The following ANKRD12 variants were observed in gnomAD, a reference collection of about 807,000 sequenced individuals.
ANKRD12 encodes the protein ankyrin repeat domain-containing protein 12.
In ANKRD12, 85 loss-of-function variants were observed where a neutral mutation model predicts 183.4. The observed-to-expected ratio is 0.46, with a 90% CI of 0.39 to 0.56. ANKRD12 has a LOEUF of 0.56. Ranked by LOEUF, ANKRD12 falls within the 20% of genes least tolerant of loss-of-function variation. The probability of loss-of-function intolerance (pLI) is 0.00; values close to 1 mark genes in which losing one functional copy is unlikely to be tolerated. For synonymous variants in ANKRD12, 914 were observed against 800.2 expected (o/e 1.14, Z -2.40); for missense variants, 2,405 against 2,357.1 (o/e 1.02, Z -0.42).
chr18:9,157,809 G>A (rs1191891325), intron 1 of ANKRD12, among the ~76,000 whole-genome samples: 1 of 151,878 alleles, frequency 6.6e-6, no homozygotes, highest in African/African-American at 2.4e-5. Flanking sequence ...ATAGGAAAAT[G>A]ATTGCCACAG....
intron 3 of ANKRD12, among the ~76,000 whole-genome samples, chr18:9,199,256 G>A (rs1314317899): frequency 1.3e-5 from 2 of 152,138 alleles, no homozygotes; most frequent in African/African-American, 4.8e-5. Context: ...TCATGCCACT[G>A]TACTCCAGCT....
At chr18:9,217,672 C>A (rs890665411) in intron 7 of ANKRD12, among the ~76,000 whole-genome samples, 1 of 152,166 alleles carries the variant, frequency 6.6e-6, no homozygotes, top group Admixed American at 6.5e-5. Flanking sequence ...TACCAGTGGT[C>A]TACTCTTTTC....
At chr18:9,248,296 A>G (rs1321906628) in intron 8 of ANKRD12, among the ~76,000 whole-genome samples, 1 of 152,194 alleles carries the variant, frequency 6.6e-6, no homozygotes, top group Non-Finnish European at 1.5e-5. Context: ...TTCTTTTGAA[A>G]CATTTGTGGC....
At chr18:9,192,562 C>A (rs1233347633) in intron 2 of ANKRD12, among the ~76,000 whole-genome samples, 3 of 152,104 alleles carry the variant, frequency 2.0e-5, no homozygotes, top group African/African-American at 7.2e-5. Flanking sequence ...AACTTCTAAT[C>A]TTTCTGTGCT....
In ANKRD12 at chr18:9,168,462, C is replaced by T. The variant is rs899241326; in HGVS notation, c.-51-13920C>T. Among the ~76,000 whole-genome samples, 5 of 152,210 alleles carry T rather than the reference C, an allele frequency of 3.3e-5. No individual in the cohort carries two copies. In the East Asian group the frequency reaches 7.7e-4, roughly 23 times the overall value. ...TTTAGTCTTGGGAGGATGTATGTGT[C>T]GAGGAATTCATCCATTTCTTCTTGA... On this transcript the variant is annotated intron_variant, in intron 1 of 12. Transcript: ENST00000262126.
At chr18:9,173,622 G>T (rs77869456) in intron 1 of ANKRD12, among the ~76,000 whole-genome samples, 8 of 129,218 alleles carry the variant, frequency 6.2e-5, no homozygotes, top group Admixed American at 2.4e-4. Flanking sequence ...GTGGTGGGGG[G>T]GGGGTAGGGG....
At chr18:9,213,943 T>C (rs958739186) in intron 6 of ANKRD12, among the ~76,000 whole-genome samples, 15 of 152,148 alleles carry the variant, frequency 9.9e-5, no homozygotes, top group African/African-American at 3.1e-4. Flanking sequence ...TAAATGATTA[T>C]TAAAAATTAT....
intron 2 of ANKRD12, among the ~76,000 whole-genome samples, chr18:9,186,944 G>A (rs1210334650): frequency 6.6e-6 from 1 of 151,740 alleles, no homozygotes; most frequent in Non-Finnish European, 1.5e-5. Context: ...GTAGAGACGG[G>A]GTTTCACCGT....
At chr18:9,234,215 T>G (rs769408372) in intron 8 of ANKRD12, among the ~76,000 whole-genome samples, 2 of 152,296 alleles carry the variant, frequency 1.3e-5, no homozygotes, top group Non-Finnish European at 2.9e-5. Context: ...GGCAGCTCTC[T>G]GTTTCGCTCA....
rs1279481112 is a variant in ANKRD12, at chr18:9,285,510, A to T, written c.*4384A>T. On this transcript the variant is annotated 3_prime_UTR_variant, in exon 13 of 13. Transcript: ENST00000262126. ...AAAAGGCACCACCTATGCACTCATC[A>T]CTCAAGAGAATATCAATAACTTTCT... 6.6e-6 allele frequency: 1 copy of T among 151,772 alleles called. No homozygotes were observed. Among genetic ancestry groups the T allele is most frequent in the Non-Finnish European group, 1.5e-5 (1 of 67,950 alleles). 9.4% of individuals were successfully genotyped at this position (151,772 alleles called of 1,614,324 possible). A position where few individuals can be genotyped will look rare whatever the true frequency, so the allele number is the denominator to read the frequency against.
chr18:9,141,564 A>G (rs920135611), intron 1 of ANKRD12, among the ~76,000 whole-genome samples: 3 of 152,222 alleles, frequency 2.0e-5, no homozygotes, highest in African/African-American at 7.2e-5. Context: ...CAGTTGTAAC[A>G]TGGAGATGCT....
At chr18:9,202,291 T>TC (rs1306621189) in intron 3 of ANKRD12, among the ~76,000 whole-genome samples, 1 of 152,204 alleles carries the variant, frequency 6.6e-6, no homozygotes, top group Non-Finnish European at 1.5e-5. Flanking sequence ...TAGATGCCAT[T>TC]TAAGGGTTTA....
At chr18:9,189,791 T>C (rs1378530670) in intron 2 of ANKRD12, among the ~76,000 whole-genome samples, 2 of 152,196 alleles carry the variant, frequency 1.3e-5, no homozygotes, top group African/African-American at 4.8e-5. Context: ...AGGATTATTT[T>C]CAAAATATTA....
intron 10 of ANKRD12, among the ~76,000 whole-genome samples, chr18:9,270,218 A>T (rs1286812747): frequency 6.6e-6 from 1 of 152,202 alleles, no homozygotes; most frequent in African/African-American, 2.4e-5. Flanking sequence ...TTCCTTAGGG[A>T]TCTAGAACTA....
chr18:9,144,340 T>C (rs1057357611), intron 1 of ANKRD12, among the ~76,000 whole-genome samples: 14 of 152,204 alleles, frequency 9.2e-5, no homozygotes, highest in African/African-American at 3.4e-4. Context: ...TTACAAATAT[T>C]ATTTTATAGC....
chr18:9,159,984 T>C (rs2031178454), intron 1 of ANKRD12, among the ~76,000 whole-genome samples: 2 of 151,996 alleles, frequency 1.3e-5, no homozygotes, highest in South Asian at 4.2e-4. Context: ...TTAAAATATT[T>C]GTTACTCTTG....
At chr18:9,177,762 A>G (rs1038909220) in intron 1 of ANKRD12, among the ~76,000 whole-genome samples, 1 of 152,060 alleles carries the variant, frequency 6.6e-6, no homozygotes, top group Admixed American at 6.6e-5. Flanking sequence ...AGCCTCTGGT[A>G]TCTGTCATTC....
At chr18:9,166,772 T>C (rs933207551) in intron 1 of ANKRD12, among the ~76,000 whole-genome samples, 4 of 152,228 alleles carry the variant, frequency 2.6e-5, no homozygotes, top group African/African-American at 9.6e-5. Flanking sequence ...TTTTGGTGTT[T>C]TAGTCATGAA....
intron 1 of ANKRD12, among the ~76,000 whole-genome samples, chr18:9,150,020 C>T (rs1374701223): frequency 1.3e-5 from 2 of 152,016 alleles, no homozygotes; most frequent in African/African-American, 4.8e-5. Flanking sequence ...TGGTCTCGAC[C>T]TCCTGACCTC....
Sources: allele counts gnomAD v4.1 joint callset (sites outside exome capture counted in the v4.1 genomes callset), GRCh38; gene constraint gnomAD v4.1.1; transcripts MANE v1.5; gene names NCBI Gene and HGNC (gene_info 2026-07-23, HGNC 2026-07-21).